The following CD47 variants were observed in gnomAD, a reference collection of about 807,000 sequenced individuals.
The protein encoded by CD47 is leukocyte surface antigen CD47.
CD47 carries 11 observed loss-of-function variants against 44.6 expected under a neutral mutation model. The ratio of observed to expected loss-of-function variants is 0.25; its 90% CI spans 0.16 to 0.41. The LOEUF (loss-of-function observed/expected upper bound fraction) is 0.41, where lower values mean the gene tolerates loss of function less well. CD47 is among the 10% of genes least tolerant of loss of function. The pLI is 1.00. For synonymous variants in CD47, 140 were observed against 136.3 expected, an observed-to-expected ratio of 1.03 and a Z score of -0.19; for missense variants, 306 against 386.7, an observed-to-expected ratio of 0.79 and a Z score of 1.75.
intron 6 of CD47, 44 bp from the exon 7 acceptor site, chr3:108,057,613 T>A: frequency 2.1e-6 from 2 of 970,706 alleles, no homozygotes; most frequent in Admixed American, 2.0e-5. Context: ...GCATATGAAA[T>A]AACTTACTAA....
Position 108,066,282 on chromosome 3 carries a change from AG to A in CD47, c.490+4810del, listed in dbSNP as rs1427968358. On this transcript the variant is annotated intron_variant, in intron 3 of 10. Coordinates refer to ENST00000361309, the MANE Select transcript of CD47 (RefSeq NM_001777.4). Reference sequence around the variant, plus strand: ...AAAAAATTAAAGATGCCTAGAATACAGTTTTAAATTTGGAATCAAGTACAGC... The same window carrying A: ...AAAAAATTAAAGATGCCTAGAATACATTTTAAATTTGGAATCAAGTACAGC... 4.6e-5 allele frequency among the ~76,000 whole-genome samples: 7 copies of A among 152,342 alleles called. No homozygotes were observed. The East Asian group carries it at 1.3e-3, about 29-fold the overall frequency.
intron 10 of CD47, among the ~76,000 whole-genome samples, chr3:108,049,293 G>C (rs1311492584): frequency 6.6e-6 from 1 of 152,186 alleles, no homozygotes; most frequent in Admixed American, 6.5e-5. Flanking sequence ...ATTTGTGCCA[G>C]ATTATTTATG....
chr3:108,076,023 A>G (rs1271699855), intron 2 of CD47, among the ~76,000 whole-genome samples: 2 of 152,238 alleles, frequency 1.3e-5, no homozygotes, highest in African/African-American at 4.8e-5. Flanking sequence ...CAAGGAATTG[A>G]ATTCTGTCAC....
At chr3:108,064,060 T>C (rs2079063569) in intron 3 of CD47, among the ~76,000 whole-genome samples, 2 of 152,258 alleles carry the variant, frequency 1.3e-5, no homozygotes, top group Non-Finnish European at 2.9e-5. Flanking sequence ...TCATCTGTTC[T>C]ACAAATATTT....
chr3:108,053,619 C>T (rs550696367), intron 7 of CD47: 14 of 152,264 alleles, frequency 9.2e-5, no homozygotes, highest in Admixed American at 2.6e-4. Flanking sequence ...GAGGGCAACA[C>T]GATGCTTCAG....
At position 108,090,882 on chromosome 3, in the gene CD47, C is replaced by T; in HGVS notation, c.27G>A (p.Leu9=). Reference sequence around the variant, plus strand: ...ACTCACCGCAGCACGCCGAGCCCAGCAACAGCGCCGCTACCAGGGGCCACA... The same window carrying T: ...ACTCACCGCAGCACGCCGAGCCCAGTAACAGCGCCGCTACCAGGGGCCACA... MWPLVAAL[L]LGSACCGSAQ... The change falls in exon 1 of 11, where the codon TTG becomes TTA. Residue 9 remains leucine (L), a synonymous_variant. Transcript: ENST00000361309. 6.7e-7 allele frequency: 1 copy of T among 1,492,034 alleles called. No individual in the cohort carries two copies. Among genetic ancestry groups the T allele is most frequent in the Non-Finnish European group, 8.9e-7 (1 of 1,126,778 alleles). 92.4% of individuals were successfully genotyped at this position (1,492,034 alleles called of 1,614,324 possible).
At chr3:108,069,002 T>A (rs1048010656) in intron 3 of CD47, among the ~76,000 whole-genome samples, 12 of 152,172 alleles carry the variant, frequency 7.9e-5, no homozygotes, top group African/African-American at 2.9e-4. Context: ...CATTCCACCT[T>A]ACTAACACAA....
At chr3:108,060,683 T>C (rs2078995027) in intron 4 of CD47, 62 bp downstream of exon 4, 2 of 1,090,862 alleles carry the variant, frequency 1.8e-6, no homozygotes, top group African/African-American at 3.1e-5. Flanking sequence ...AATGCAGCCC[T>C]CCTCACCTTG....
chr3:108,090,971 C>CAGGTGTCTGGAG lies in CD47; in HGVS notation c.-64_-63insCTCCAGACACCT. 7.9e-7 allele frequency: 1 copy of CAGGTGTCTGGAG among 1,266,882 alleles called. No homozygotes were observed. Among genetic ancestry groups the CAGGTGTCTGGAG allele is most frequent in the African/African-American group, 1.6e-5 (1 of 63,734 alleles). The allele number at this position is 1,266,882 out of a possible 1,614,324, so 78.5% of individuals were successfully genotyped here. On this transcript the variant is annotated 5_prime_UTR_variant, in exon 1 of 11. Coordinates refer to ENST00000361309, the MANE Select transcript of CD47 (RefSeq NM_001777.4). ...GTGTCCGGAGCAGCAGCCGCCGCCG[C>CAGGTGTCTGGAG]CGTTACAGGCAGGACCGACCGCCGC...
intron 2 of CD47, among the ~76,000 whole-genome samples, chr3:108,073,390 C>T (rs1373960413): frequency 1.3e-5 from 2 of 152,150 alleles, no homozygotes; most frequent in East Asian, 3.8e-4. Flanking sequence ...TGGGGAGGAA[C>T]TCCTCTAGGC....
intron 1 of CD47, among the ~76,000 whole-genome samples, chr3:108,089,422 G>C (rs2079584870): frequency 6.6e-6 from 1 of 151,980 alleles, no homozygotes; most frequent in Non-Finnish European, 1.5e-5. Flanking sequence ...TAACCTACCT[G>C]TTTTAAAAAT....
rs897474864 is a variant in CD47, at chr3:108,053,727, T to C, written c.878-1757A>G. ...TATCTGAGCTCATAGGAGTCCAGTT[T>C]CTGTTAGTGCCATGGGCGGCTTTAA... is the stretch of plus-strand genomic sequence containing the variant. On this transcript the variant is annotated intron_variant, in intron 7 of 10. Coordinates refer to ENST00000361309, the MANE Select transcript of CD47 (RefSeq NM_001777.4). 5.3e-4 allele frequency: 80 copies of C among 152,242 alleles called. 1 individual carries two copies. The highest frequency in any genetic ancestry group is 2.5e-3 in the Admixed American group (38 of 15,288). 9.4% of individuals were successfully genotyped at this position (152,242 alleles called of 1,614,324 possible).
At chr3:108,057,417 T>C (rs934843781) in intron 7 of CD47, 60 bp downstream of exon 7, 6 of 806,802 alleles carry the variant, frequency 7.4e-6, no homozygotes, top group Non-Finnish European at 1.3e-5. Flanking sequence ...CTAAAAAGCA[T>C]TTTCTAAGTG....
At chr3:108,060,545 G>A (rs899786241) in intron 4 of CD47, among the ~76,000 whole-genome samples, 200 bp downstream of exon 4, 2 of 152,214 alleles carry the variant, frequency 1.3e-5, no homozygotes, top group African/African-American at 4.8e-5. Context: ...CTTCCATACA[G>A]CCTTGAGAGG....
At position 108,057,524 on chromosome 3, in the gene CD47, A is replaced by G. The variant is rs1576991978; in HGVS notation, c.830T>C (p.Ile277Thr). 2 of 1,588,242 alleles carry G rather than the reference A, an allele frequency of 1.3e-6. No individual in the cohort carries two copies. Among genetic ancestry groups the G allele is most frequent in the East Asian group, 4.5e-5 (2 of 44,596 alleles). Residue 277 changes from isoleucine to threonine, a missense_variant, in exon 7 of 11, where the codon ATC becomes ACC. By Grantham distance (89) the Ile-to-Thr change is moderately conservative. Transcript: ENST00000361309. Reference sequence around the variant, plus strand: ...TCCAAGTAATTGTGCTAGAGCTAAGATACTCAAACCTGAAATCAGAAGAGG... The same window carrying G: ...TCCAAGTAATTGTGCTAGAGCTAAGGTACTCAAACCTGAAATCAGAAGAGG... ...HGPLLISGLS[I>T]LALAQLLGLV... is the part of the protein sequence containing the mutation.
intron 3 of CD47, 111 bp from the exon 4 acceptor site, chr3:108,060,963 A>G: frequency 1.5e-6 from 1 of 671,200 alleles, no homozygotes; most frequent in Non-Finnish European, 2.6e-6. Flanking sequence ...GTAATAACTT[A>G]TGAGGAACAA....
chr3:108,068,415 C>A (rs2079140665), intron 3 of CD47, among the ~76,000 whole-genome samples: 1 of 152,110 alleles, frequency 6.6e-6, no homozygotes, highest in East Asian at 1.9e-4. Flanking sequence ...CAGTAGGCAC[C>A]CTGTCACTAG....
intron 2 of CD47, 32 bp from the exon 3 acceptor site, chr3:108,071,214 A>G: frequency 1.0e-6 from 1 of 967,686 alleles, no homozygotes; most frequent in South Asian, 1.5e-5. Flanking sequence ...GTCACAATTA[A>G]TATTTACTAT....
intron 1 of CD47, among the ~76,000 whole-genome samples, chr3:108,084,862 C>G (rs542424822): frequency 1.3e-5 from 2 of 152,112 alleles, no homozygotes; most frequent in African/African-American, 2.4e-5. Context: ...CACTCATCCT[C>G]CCCCCTCGAA....
Sources: allele counts gnomAD v4.1 joint callset (sites outside exome capture counted in the v4.1 genomes callset), GRCh38; gene constraint gnomAD v4.1.1; transcripts MANE v1.5; gene names NCBI Gene and HGNC (gene_info 2026-07-23, HGNC 2026-07-21).